The following PARD6G variants were observed in gnomAD, a reference collection of about 807,000 sequenced individuals.
PARD6G encodes par-6 family cell polarity regulator gamma, also known as partitioning defective 6 homolog gamma.
Under a neutral mutation model 10.7 loss-of-function variants are expected in PARD6G, and 7 were observed. The observed-to-expected ratio is 0.66, with a 90% confidence interval of 0.37 to 1.23. The LOEUF is 1.23. Ranked by LOEUF, PARD6G falls within the 50% of genes most tolerant of loss-of-function variation. PARD6G has a pLI of 0.02. For missense variants in PARD6G, 548 were observed against 571.8 expected (o/e 0.96, Z 0.42); for synonymous variants, 287 against 269.4 (o/e 1.07, Z -0.64).
chr18:80,179,101 C>T (rs1289247265), intron 2 of PARD6G, among the ~76,000 whole-genome samples: 2 of 152,188 alleles, frequency 1.3e-5, no homozygotes, highest in East Asian at 3.9e-4. Context: ...AACTCACTGC[C>T]CCCGACACCT....
intron 2 of PARD6G, among the ~76,000 whole-genome samples, chr18:80,176,191 T>C (rs956011363): frequency 6.6e-6 from 1 of 152,142 alleles, no homozygotes; most frequent in African/African-American, 2.4e-5. Context: ...GAGAAGCACA[T>C]TAAAGAGGAG....
intron 2 of PARD6G, among the ~76,000 whole-genome samples, chr18:80,168,609 A>G (rs9709517): frequency 1.3e-4 from 14 of 104,646 alleles, no homozygotes; most frequent in East Asian, 3.5e-4. Context: ...GTGTGTGTGT[A>G]TGTATATGTA....
chr18:80,246,101 G>A lies in PARD6G; in HGVS notation c.72+1176C>T, dbSNP rs1967542266. Among the ~76,000 whole-genome samples the A allele has an allele frequency of 6.6e-6, 1 of 152,118 alleles. No individual in the cohort carries two copies. The highest frequency in any genetic ancestry group is 2.4e-5 in the African/African-American group (1 of 41,424). On this transcript the variant is annotated intron_variant, in intron 1 of 2. Coordinates refer to ENST00000353265, the MANE Select transcript of PARD6G (RefSeq NM_032510.4). This position sits in a 1 kb window ranked among gnomAD's most constrained non-coding sequence, Gnocchi z 6.7. Reference sequence around the variant, plus strand: ...GACTTGCCTCCCCAGAGACAGGGGAGGGAACACCCGCCCTGCGCCCAAGAT... The same window carrying A: ...GACTTGCCTCCCCAGAGACAGGGGAAGGAACACCCGCCCTGCGCCCAAGAT...
intron 2 of PARD6G, 96 bp downstream of exon 2, chr18:80,202,614 G>A (rs941443919): frequency 1.6e-5 from 17 of 1,039,218 alleles, no homozygotes; most frequent in African/African-American, 8.1e-5. Flanking sequence ...GTTAGAAAAC[G>A]AACCACATAG....
chr18:80,199,233 G>GAAT (rs1966986545), intron 2 of PARD6G, among the ~76,000 whole-genome samples: 1 of 152,170 alleles, frequency 6.6e-6, no homozygotes, highest in East Asian at 1.9e-4. Flanking sequence ...CACAGTCCTT[G>GAAT]AATAATGAGA....
intron 2 of PARD6G, among the ~76,000 whole-genome samples, chr18:80,194,482 T>C (rs1234650996): frequency 6.6e-6 from 1 of 152,138 alleles, no homozygotes; most frequent in Non-Finnish European, 1.5e-5. Context: ...ACACGATAAT[T>C]TTAGAAATCC....
chr18:80,219,010 G>A (rs1967200868), intron 1 of PARD6G, among the ~76,000 whole-genome samples: 1 of 152,250 alleles, frequency 6.6e-6, no homozygotes. Context: ...GCAGACAGCA[G>A]GGTAGCCCTG....
At chr18:80,185,928 G>A (rs1456340676) in intron 2 of PARD6G, among the ~76,000 whole-genome samples, 4 of 83,894 alleles carry the variant, frequency 4.8e-5, no homozygotes, top group African/African-American at 1.5e-4. Context: ...ACACCCTCAC[G>A]CGGGCTTGCA....
intron 2 of PARD6G, among the ~76,000 whole-genome samples, chr18:80,166,351 C>T (rs922860260): frequency 3.3e-5 from 5 of 151,404 alleles, no homozygotes; most frequent in Admixed American, 1.3e-4. Flanking sequence ...TCTCTCTCAG[C>T]AGCCCCACTG....
chr18:80,244,244 G>A (rs532284579), intron 1 of PARD6G, among the ~76,000 whole-genome samples: 16 of 152,226 alleles, frequency 1.1e-4, no homozygotes, highest in South Asian at 1.0e-3. Flanking sequence ...GGCCAAAGTC[G>A]AAGCTAAGTG....
At chr18:80,163,653 C>T (rs369425624) in intron 2 of PARD6G, among the ~76,000 whole-genome samples, 7 of 152,264 alleles carry the variant, frequency 4.6e-5, no homozygotes, top group East Asian at 1.9e-4. Flanking sequence ...CCGTGGTGCA[C>T]GGTGGACTGG....
At chr18:80,170,939 C>G (rs1475906800) in intron 2 of PARD6G, 1 of 152,102 alleles carries the variant, frequency 6.6e-6, no homozygotes, top group Non-Finnish European at 1.5e-5. Flanking sequence ...GAGGCTATTC[C>G]TGGCCCTGAC....
intron 1 of PARD6G, among the ~76,000 whole-genome samples, chr18:80,211,721 T>C (rs892657724): frequency 6.6e-6 from 1 of 152,208 alleles, no homozygotes; most frequent in Non-Finnish European, 1.5e-5. Context: ...TATTATTCCA[T>C]CTTCAAAAGG....
chr18:80,202,471 A>C, intron 2 of PARD6G: 1 of 422,628 alleles, frequency 2.4e-6, no homozygotes, highest in Non-Finnish European at 4.3e-6. Flanking sequence ...AATGACTGGA[A>C]GTATCAATAT....
Position 80,180,201 on chromosome 18 carries a change from G to C in PARD6G, c.296-19595C>G, listed in dbSNP as rs1312775923. ...ACCTGGGCTTGGGTGTCCAGGTCCT[G>C]AGCTCACTCCTGGTGATACACCCTC... is the stretch of plus-strand genomic sequence containing the variant. On this transcript the variant is annotated intron_variant, in intron 2 of 2. Coordinates refer to ENST00000353265, the MANE Select transcript of PARD6G (RefSeq NM_032510.4). The surrounding 1 kb of genome is among the most constrained non-coding windows in gnomAD (Gnocchi z 5.6). Among the ~76,000 whole-genome samples the C allele has an allele frequency of 6.6e-6, 1 of 152,234 alleles. No homozygotes were observed. Among genetic ancestry groups the C allele is most frequent in the Non-Finnish European group, 1.5e-5 (1 of 68,032 alleles).
rs1447985918 is a variant in PARD6G at position 80,157,453 on chromosome 18, C to G, written c.*2318G>C. 1 of 152,068 alleles carries G rather than the reference C, an allele frequency of 6.6e-6. No homozygotes were observed. Among genetic ancestry groups the G allele is most frequent in the East Asian group, 1.9e-4 (1 of 5,200 alleles). The allele number at this position is 152,068 out of a possible 1,614,324, so 9.4% of individuals were successfully genotyped here. On this transcript the variant is annotated 3_prime_UTR_variant, in exon 3 of 3. Transcript: ENST00000353265. ...GAAAGCCTCATTTCTTAAAAAAAAA[C>G]TCACATTTGCTTAACAACTTAAAAT... is the stretch of plus-strand genomic sequence containing the variant.
At chr18:80,207,984 A>C (rs554147999) in intron 1 of PARD6G, among the ~76,000 whole-genome samples, 2 of 152,352 alleles carry the variant, frequency 1.3e-5, no homozygotes, top group South Asian at 4.1e-4. Context: ...AGTGGCAAAA[A>C]TAAGAGTCTG....
rs779538027 is a variant in PARD6G, at chr18:80,159,867, G to C, written c.1035C>G (p.Leu345=). The C allele has an allele frequency of 1.6e-5, 24 of 1,510,184 alleles. 1 individual carries two copies. In the South Asian group the frequency reaches 2.4e-4, roughly 15 times the overall value. The allele number at this position is 1,510,184 out of a possible 1,614,324, so 93.5% of individuals were successfully genotyped here. A position where few individuals can be genotyped will look rare whatever the true frequency, so the allele number is the denominator to read the frequency against. Residue 345 remains leucine, a synonymous_variant, in exon 3 of 3, where the codon CTC becomes CTG. Transcript: ENST00000353265. The part of the protein sequence containing the change: ...LQRDLALDGG[L]QRLLSSLRAD... ...CCCGCAGGGAGCTGAGCAGCCGCTG[G>C]AGGCCGCCGTCCAGGGCCAGGTCCC...
Position 80,247,271 on chromosome 18 carries a change from GC to G in PARD6G, c.72+5del. The G allele has an allele frequency of 6.4e-7, 1 of 1,574,602 alleles. No individual in the cohort carries two copies. ...GCAGGGCCGCCGGGGCGGGCGGGGG[GC>G]TTACCTTGCTCTTGACTTCCACTGC... On this transcript the variant is annotated splice_donor_5th_base_variant and intron_variant, in intron 1 of 2. Coordinates refer to ENST00000353265, the MANE Select transcript of PARD6G (RefSeq NM_032510.4). The surrounding 1 kb of genome is among the most constrained non-coding windows in gnomAD (Gnocchi z 4.2).
Sources: allele counts gnomAD v4.1 joint callset (sites outside exome capture counted in the v4.1 genomes callset), GRCh38; gene constraint gnomAD v4.1.1; non-coding constraint Gnocchi (gnomAD v3.1); transcripts MANE v1.5; gene names NCBI Gene and HGNC (gene_info 2026-07-23, HGNC 2026-07-21).